The following BPTF variants were observed in gnomAD, a reference collection of about 807,000 sequenced individuals.
The protein encoded by BPTF is bromodomain PHD finger transcription factor.
In BPTF, 18 loss-of-function variants were observed where a neutral mutation model predicts 292.5. That is an observed-to-expected ratio of 0.06 (90% CI 0.04 to 0.09). BPTF has a LOEUF of 0.09. BPTF is among the 10% of genes least tolerant of loss of function. BPTF has a pLI of 1.00. For synonymous variants in BPTF, 1,225 were observed against 1,251.9 expected, an observed-to-expected ratio of 0.98 and a Z score of 0.45; for missense variants, 2,726 against 3,498.7, an observed-to-expected ratio of 0.78 and a Z score of 5.57.
chr17:67,938,379 A>G (rs1311311451), intron 18 of BPTF, among the ~76,000 whole-genome samples: 1 of 152,212 alleles, frequency 6.6e-6, no homozygotes, highest in Non-Finnish European at 1.5e-5. Flanking sequence ...ACACTATGTT[A>G]TGCTGTCTTT....
chr17:67,944,847 A>G (rs548133592), intron 20 of BPTF, among the ~76,000 whole-genome samples: 59 of 152,288 alleles, frequency 3.9e-4, no homozygotes, highest in African/African-American at 1.3e-3. Context: ...CAGATGACCC[A>G]GCTGATTTCC....
At chr17:67,875,700 T>C in intron 4 of BPTF, 1 of 1,604,590 alleles carries the variant, frequency 6.2e-7, no homozygotes, top group Non-Finnish European at 8.5e-7. Flanking sequence ...AGCAGCAACA[T>C]GGCAGAGAAG....
chr17:67,870,682 T>A (rs561350201), intron 3 of BPTF, among the ~76,000 whole-genome samples: 6 of 152,134 alleles, frequency 3.9e-5, no homozygotes, highest in Non-Finnish European at 7.4e-5. Context: ...CAAGAATAAT[T>A]TACAGCATAA....
intron 24 of BPTF, chr17:67,960,312 T>C (rs2067352927): frequency 6.7e-6 from 1 of 148,846 alleles, no homozygotes; most frequent in East Asian, 2.0e-4. Flanking sequence ...ATTTGAGTGG[T>C]TCGGTTTCTT....
Position 67,825,916 on chromosome 17 carries a change from G to C in BPTF, c.192G>C (p.Leu64=), listed in dbSNP as rs1335200387. The stretch of plus-strand genomic sequence containing the variant: ...CTGAGGTGGCGCCCAAGACGCGGCT[G>C]AGCTCGCCCAGGGGGGGCAGCAGTA... ...AQAEVAPKTR[L]SSPRGGSSSR... The change falls in exon 1 of 28, where the codon CTG becomes CTC. Residue 64 remains leucine (L), a synonymous_variant. Transcript: ENST00000306378. The C allele has an allele frequency of 9.8e-7, 1 of 1,015,504 alleles. No individual in the cohort carries two copies. The highest frequency in any genetic ancestry group is 1.2e-6 in the Non-Finnish European group (1 of 851,474). 62.9% of individuals were successfully genotyped at this position (1,015,504 alleles called of 1,614,324 possible). A position where few individuals can be genotyped will look rare whatever the true frequency, so the allele number is the denominator to read the frequency against.
At chr17:67,898,050 GAT>G (rs2061568465) in intron 7 of BPTF, among the ~76,000 whole-genome samples, 1 of 152,212 alleles carries the variant, frequency 6.6e-6, no homozygotes, top group African/African-American at 2.4e-5. Context: ...AATACTAGGA[GAT>G]TACTAATACC....
Position 67,911,596 on chromosome 17 carries a change from A to G in BPTF, c.3712A>G (p.Ile1238Val). 2 of 1,614,212 alleles carry G rather than the reference A, an allele frequency of 1.2e-6. No individual in the cohort carries two copies. The highest frequency in any genetic ancestry group is 1.7e-6 in the Non-Finnish European group (2 of 1,180,034). Residue 1238 changes from isoleucine to valine, a missense_variant, in exon 11 of 28, where the codon ATA becomes GTA. Coordinates refer to ENST00000306378, the MANE Select transcript of BPTF (RefSeq NM_182641.4). ...GATCTGTAAGAACAAAAAACCGCTCATACAGGAGGAAAGTGACACCATTGT... is the reference window on the plus strand; with the variant it reads ...GATCTGTAAGAACAAAAAACCGCTCGTACAGGAGGAAAGTGACACCATTGT... ...TLICKNKKPL[I>V]QEESDTIVSS...
intron 24 of BPTF, among the ~76,000 whole-genome samples, chr17:67,962,718 A>G (rs1262537833): frequency 2.6e-5 from 4 of 152,230 alleles, no homozygotes; most frequent in Admixed American, 1.3e-4. Flanking sequence ...TTAAATTCCA[A>G]TGTTTATTCA....
intron 23 of BPTF, chr17:67,957,139 CG>C (rs2067029624): frequency 6.6e-6 from 1 of 151,610 alleles, no homozygotes; most frequent in South Asian, 2.1e-4. Context: ...AAAAATTAGC[CG>C]GGCGTGGTGG....
At chr17:67,882,723 TGGGC>T (rs1267047700) in intron 4 of BPTF, among the ~76,000 whole-genome samples, 1 of 152,210 alleles carries the variant, frequency 6.6e-6, no homozygotes, top group Non-Finnish European at 1.5e-5. Flanking sequence ...AATAATCCCC[TGGGC>T]TGGGCGTGGT....
chr17:67,917,944 T>C (rs1223858277), intron 11 of BPTF, among the ~76,000 whole-genome samples: 2 of 152,154 alleles, frequency 1.3e-5, no homozygotes, highest in African/African-American at 2.4e-5. Flanking sequence ...CCCGAGTAGC[T>C]GGGACTACAG....
intron 13 of BPTF, among the ~76,000 whole-genome samples, chr17:67,921,677 C>A (rs2063452899): frequency 6.6e-6 from 1 of 151,992 alleles, no homozygotes; most frequent in Admixed American, 6.6e-5. Context: ...GGAGAATAAC[C>A]TTTTTGAAAA....
At position 67,929,294 on chromosome 17, in the gene BPTF, A is replaced by G. The variant is rs368034271; in HGVS notation, c.5999-42A>G. Reference sequence around the variant, plus strand: ...ACCGAGCACCACGTAATGCTTTCCAATAAAGTGATAGTTTTTAATTATGGC... The same window carrying G: ...ACCGAGCACCACGTAATGCTTTCCAGTAAAGTGATAGTTTTTAATTATGGC... On this transcript the variant is annotated intron_variant, in intron 16 of 27. Transcript: ENST00000306378. The G allele has an allele frequency of 2.1e-5, 34 of 1,610,160 alleles. No individual in the cohort carries two copies. The East Asian group carries it at 3.1e-4, about 15-fold the overall frequency.
chr17:67,978,868 CAG>C (rs1324047257), intron 27 of BPTF, among the ~76,000 whole-genome samples: 4 of 152,142 alleles, frequency 2.6e-5, no homozygotes, highest in African/African-American at 7.2e-5. Context: ...CCACTAAAAA[CAG>C]AAAGTTGTGT....
chr17:67,850,139 C>T (rs988746032), intron 1 of BPTF, among the ~76,000 whole-genome samples: 6 of 152,266 alleles, frequency 3.9e-5, no homozygotes, highest in Non-Finnish European at 5.9e-5. Context: ...CATGGGCTAG[C>T]ACTTTCAAAA....
intron 18 of BPTF, among the ~76,000 whole-genome samples, chr17:67,932,804 A>T (rs1174576322): frequency 6.6e-6 from 1 of 152,070 alleles, no homozygotes; most frequent in Non-Finnish European, 1.5e-5. Context: ...TACAAAAGAT[A>T]AAAAAACTAG....
chr17:67,965,283 C>T, intron 25 of BPTF: 1 of 152,286 alleles, frequency 6.6e-6, no homozygotes, highest in Non-Finnish European at 1.5e-5. Flanking sequence ...GCGGAGGTTG[C>T]AGTGAGCCAA....
At chr17:67,886,299 C>T (rs141698801) in intron 4 of BPTF, 2 of 1,612,312 alleles carry the variant, frequency 1.2e-6, no homozygotes, top group African/African-American at 1.3e-5. Flanking sequence ...ACACCTGTCT[C>T]TATTCAGGAA....
At position 67,853,809 on chromosome 17, in the gene BPTF, C is replaced by T. The variant is rs553808100; in HGVS notation, c.614-131C>T. 7.9e-5 allele frequency: 55 copies of T among 697,754 alleles called. No homozygotes were observed. In the East Asian group the frequency reaches 8.0e-4, roughly 10 times the overall value. 43.2% of individuals were successfully genotyped at this position (697,754 alleles called of 1,614,324 possible). Reference sequence around the variant, plus strand: ...AATTAGAGCTGAATCATTGCTTCTTCGTATTATTTTAACTTGACAATTATT... The same window carrying T: ...AATTAGAGCTGAATCATTGCTTCTTTGTATTATTTTAACTTGACAATTATT... On this transcript the variant is annotated intron_variant, in intron 1 of 27. Transcript: ENST00000306378.
Sources: gnomAD v4.1 joint callset for allele counts (sites outside exome capture counted in the v4.1 genomes callset) on GRCh38, gnomAD v4.1.1 for gene constraint, MANE v1.5 for transcripts, NCBI Gene and HGNC (gene_info 2026-07-23, HGNC 2026-07-21) for gene names.